CDH13: variants seen among roughly 807,000 people sequenced by gnomAD.
CDH13 encodes the protein cadherin 13.
CDH13 carries 24 observed loss-of-function variants against 63.8 expected under a neutral mutation model. The observed-to-expected ratio is 0.38, with a 90% CI of 0.27 to 0.53. The LOEUF (loss-of-function observed/expected upper bound fraction) is 0.53. Among genes scored for constraint, CDH13 ranks in the 20% least tolerant of loss-of-function variants. The pLI is 0.85. For synonymous variants in CDH13, 503 were observed against 355.3 expected (o/e 1.42, Z -4.67); for missense variants, 1,049 against 903.1 (o/e 1.16, Z -2.07).
chr16:82,681,244 T>C (rs2150960893), intron 1 of CDH13, among the ~76,000 whole-genome samples: 1 of 152,354 alleles, frequency 6.6e-6, no homozygotes, highest in Admixed American at 6.5e-5. Context: ...CTGATGCCGG[T>C]GGCAACGACC....
chr16:83,769,533 G>A (rs1914622309), intron 11 of CDH13, among the ~76,000 whole-genome samples: 1 of 152,200 alleles, frequency 6.6e-6, no homozygotes, highest in African/African-American at 2.4e-5. Flanking sequence ...AAGCAGACAT[G>A]TTTATAAGGT....
chr16:83,354,438 G>A (rs2091015415), intron 6 of CDH13, among the ~76,000 whole-genome samples: 1 of 152,168 alleles, frequency 6.6e-6, no homozygotes. Flanking sequence ...TATAGGGGCT[G>A]GGGATATAGC....
intron 1 of CDH13, among the ~76,000 whole-genome samples, chr16:82,783,141 T>A (rs1292876518): frequency 2.0e-5 from 3 of 152,174 alleles, no homozygotes; most frequent in Admixed American, 6.5e-5. Flanking sequence ...CCGAGGGACA[T>A]TTCCTGTGAA....
At chr16:82,860,872 A>C (rs1261295854) in intron 2 of CDH13, among the ~76,000 whole-genome samples, 2 of 152,206 alleles carry the variant, frequency 1.3e-5, no homozygotes, top group Non-Finnish European at 2.9e-5. Flanking sequence ...GGTTCAATTG[A>C]ATAAACTTTT....
intron 7 of CDH13, among the ~76,000 whole-genome samples, chr16:83,574,315 C>T (rs897101650): frequency 6.6e-6 from 1 of 152,190 alleles, no homozygotes; most frequent in African/African-American, 2.4e-5. Context: ...GAGCTTGCCT[C>T]CAAAGTCTAG....
intron 6 of CDH13, among the ~76,000 whole-genome samples, chr16:83,443,713 AAAAAAAAAAAAAAAAAAAAAAAATAT>A (rs1279242246): frequency 1.1e-5 from 1 of 91,912 alleles, no homozygotes; most frequent in Non-Finnish European, 1.9e-5. Flanking sequence ...ACGAAAAAAA[AAAAAAAAAAAAAAAAAAAAAAAATAT>A]ATATATATAT....
rs1555548320 is a variant in CDH13, at chr16:83,434,847, A to ATATGTGTG, written c.782-51629_782-51628insATGTGTGT. ...CTGCACCTATTTAAAATATATATATATGTGTGTGCGTGTGTGTGTGTGTGT... is the reference window on the plus strand; with the variant it reads ...CTGCACCTATTTAAAATATATATATATATGTGTGTGTGTGTGCGTGTGTGTGTGTGTGT... On this transcript the variant is annotated intron_variant, in intron 6 of 13. Transcript: ENST00000567109. Among the ~76,000 whole-genome samples the ATATGTGTG allele has an allele frequency of 1.1e-3, 93 of 81,518 alleles. 1 individual carries two copies. The highest frequency in any genetic ancestry group is 3.4e-3 in the African/African-American group (89 of 26,548). The allele number at this position is 81,518 out of a possible 152,430, so 53.5% of individuals were successfully genotyped here. A position where few individuals can be genotyped will look rare whatever the true frequency, so the allele number is the denominator to read the frequency against.
chr16:82,679,142 C>A (rs570689006), intron 1 of CDH13, among the ~76,000 whole-genome samples: 1 of 152,186 alleles, frequency 6.6e-6, no homozygotes, highest in Non-Finnish European at 1.5e-5. Flanking sequence ...CCTTTGCATT[C>A]CCAAACTTTG....
intron 6 of CDH13, among the ~76,000 whole-genome samples, chr16:83,424,655 A>T (rs1339257631): frequency 2.6e-5 from 4 of 152,218 alleles, no homozygotes; most frequent in Admixed American, 2.6e-4. Context: ...CATTTTCATA[A>T]ATGGTTTTGC....
At chr16:83,526,753 C>G (rs544531783) in intron 7 of CDH13, among the ~76,000 whole-genome samples, 2 of 152,344 alleles carry the variant, frequency 1.3e-5, no homozygotes, top group East Asian at 3.9e-4. Context: ...GCTTTACCTT[C>G]TTTACCTTAG....
At chr16:83,703,330 G>A (rs768684558) in intron 10 of CDH13, among the ~76,000 whole-genome samples, 12 of 152,262 alleles carry the variant, frequency 7.9e-5, no homozygotes, top group Non-Finnish European at 1.2e-4. Context: ...ATTTATGTGC[G>A]GAGTTGTACA....
At chr16:83,089,565 C>T (rs1028814237) in intron 3 of CDH13, among the ~76,000 whole-genome samples, 1 of 152,202 alleles carries the variant, frequency 6.6e-6, no homozygotes. Context: ...AGCAATGAAC[C>T]CCAGGGCTTG....
intron 7 of CDH13, among the ~76,000 whole-genome samples, chr16:83,517,615 G>A (rs2074728177): frequency 6.6e-6 from 1 of 152,178 alleles, no homozygotes; most frequent in Non-Finnish European, 1.5e-5. Flanking sequence ...GAAATGTGAG[G>A]GAACACGTGG....
chr16:83,383,625 C>T (rs2091613979), intron 6 of CDH13, among the ~76,000 whole-genome samples: 2 of 152,008 alleles, frequency 1.3e-5, no homozygotes, highest in African/African-American at 4.8e-5. Flanking sequence ...GGTTTTAATT[C>T]TTTGGGTTGT....
intron 3 of CDH13, among the ~76,000 whole-genome samples, chr16:83,070,829 G>A (rs1475507953): frequency 1.3e-5 from 2 of 150,212 alleles, no homozygotes; most frequent in Non-Finnish European, 3.0e-5. Context: ...ATCAGGCAGG[G>A]TTAGGTTATA....
chr16:83,442,309 T>C (rs2072501935), intron 6 of CDH13, among the ~76,000 whole-genome samples: 1 of 152,336 alleles, frequency 6.6e-6, no homozygotes, highest in African/African-American at 2.4e-5. Flanking sequence ...CAGGATTCTA[T>C]GTGAATCTAG....
At chr16:83,316,505 A>G (rs1380318336) in intron 5 of CDH13, among the ~76,000 whole-genome samples, 1 of 152,152 alleles carries the variant, frequency 6.6e-6, no homozygotes, top group Non-Finnish European at 1.5e-5. Context: ...TGGCTCCTAA[A>G]GCAGAAGTGG....
intron 1 of CDH13, among the ~76,000 whole-genome samples, chr16:82,841,934 C>A (rs1251452442): frequency 6.6e-6 from 1 of 151,170 alleles, no homozygotes; most frequent in African/African-American, 2.4e-5. Flanking sequence ...GCATTTATGC[C>A]CTGGACATTG....
chr16:83,652,885 A>C (rs1912519125), intron 8 of CDH13, among the ~76,000 whole-genome samples: 1 of 152,176 alleles, frequency 6.6e-6, no homozygotes. Context: ...CATAGCCACT[A>C]AGTGGAAACA....
Sources: gnomAD v4.1 joint callset for allele counts (sites outside exome capture counted in the v4.1 genomes callset) on GRCh38, gnomAD v4.1.1 for gene constraint, MANE v1.5 for transcripts, NCBI Gene and HGNC (gene_info 2026-07-23, HGNC 2026-07-21) for gene names.